The following EPHA6 variants were observed in gnomAD, a reference collection of about 807,000 sequenced individuals.
The protein encoded by EPHA6 is ephrin type-A receptor 6.
EPHA6 carries 50 observed loss-of-function variants against 112.0 expected under a neutral mutation model. The observed-to-expected ratio is 0.45, with a 90% CI of 0.36 to 0.56. EPHA6 has a LOEUF of 0.56. Ranked by LOEUF, EPHA6 falls within the 20% of genes least tolerant of loss-of-function variation. The probability of loss-of-function intolerance (pLI) is 0.00; values close to 1 mark genes in which losing one functional copy is unlikely to be tolerated. For synonymous variants in EPHA6, 529 were observed against 490.7 expected, an observed-to-expected ratio of 1.08 and a Z score of -1.03; for missense variants, 1,280 against 1,417.4, an observed-to-expected ratio of 0.90 and a Z score of 1.56.
chr3:97,491,551 T>G (rs1337305984), intron 10 of EPHA6, among the ~76,000 whole-genome samples: 1 of 152,040 alleles, frequency 6.6e-6, no homozygotes, highest in Non-Finnish European at 1.5e-5. Flanking sequence ...ATACCTGTAT[T>G]CAGTGTGGGT....
chr3:97,448,542 C>A lies in EPHA6; in HGVS notation c.1732-26C>A, dbSNP rs144941179. ...AGGTAGAATAACTCTGTTTCATTTC[C>A]TTTCTCCTTTTTTTCTGTCCCCCAG... On this transcript the variant is annotated intron_variant, in intron 6 of 17. Transcript: ENST00000389672. 5.0e-6 allele frequency: 8 copies of A among 1,610,284 alleles called. No homozygotes were observed. In the East Asian group the frequency reaches 8.9e-5, roughly 18 times the overall value.
intron 2 of EPHA6, among the ~76,000 whole-genome samples, chr3:96,982,923 C>T (rs567621210): frequency 1.6e-4 from 24 of 152,208 alleles, no homozygotes; most frequent in African/African-American, 5.8e-4. Context: ...CTTCCTCCAT[C>T]CTTTTATTTT....
intron 6 of EPHA6, among the ~76,000 whole-genome samples, chr3:97,425,291 A>T (rs963790843): frequency 2.0e-5 from 3 of 152,202 alleles, no homozygotes; most frequent in Non-Finnish European, 4.4e-5. Context: ...GTTCTTCATG[A>T]AGGCTTCATC....
intron 14 of EPHA6, among the ~76,000 whole-genome samples, chr3:97,666,935 C>T (rs1037728891): frequency 3.2e-4 from 48 of 152,124 alleles, no homozygotes; most frequent in Non-Finnish European, 8.8e-5. Context: ...GACTTGAGCC[C>T]TGTATTTCCA....
chr3:96,910,336 T>C (rs546175294), intron 2 of EPHA6, among the ~76,000 whole-genome samples: 1 of 152,188 alleles, frequency 6.6e-6, no homozygotes, highest in East Asian at 1.9e-4. Context: ...ACTATGTTAG[T>C]CCTTGCCTGG....
intron 2 of EPHA6, among the ~76,000 whole-genome samples, chr3:96,905,857 A>G (rs1437502261): frequency 6.6e-6 from 1 of 152,114 alleles, no homozygotes; most frequent in Non-Finnish European, 1.5e-5. Context: ...GATTACCTAC[A>G]CTTTGCAGAA....
chr3:97,239,327 CA>C (rs537533525), intron 4 of EPHA6, among the ~76,000 whole-genome samples: 21 of 151,282 alleles, frequency 1.4e-4, no homozygotes, highest in Admixed American at 7.3e-4. Context: ...ACTTTGAAAA[CA>C]AAAAAAACTA....
At chr3:97,584,188 A>G (rs919001359) in intron 11 of EPHA6, among the ~76,000 whole-genome samples, 2 of 152,198 alleles carry the variant, frequency 1.3e-5, no homozygotes, top group African/African-American at 2.4e-5. Context: ...GTTCATATAA[A>G]GATGATTTTA....
intron 1 of EPHA6, among the ~76,000 whole-genome samples, chr3:96,843,160 A>T (rs1053642828): frequency 2.0e-5 from 3 of 152,086 alleles, no homozygotes; most frequent in Admixed American, 6.6e-5. Context: ...ACATGGGGTT[A>T]TTACTGCTCT....
At chr3:97,198,380 T>G (rs2077493818) in intron 3 of EPHA6, among the ~76,000 whole-genome samples, 1 of 152,170 alleles carries the variant, frequency 6.6e-6, no homozygotes, top group Non-Finnish European at 1.5e-5. Context: ...AGCATACCTT[T>G]GATTTTAGAT....
chr3:97,247,105 T>C (rs1371641627), intron 5 of EPHA6, among the ~76,000 whole-genome samples: 1 of 152,036 alleles, frequency 6.6e-6, no homozygotes, highest in Non-Finnish European at 1.5e-5. Context: ...ATCACTCCAC[T>C]TGGAGTATCT....
intron 1 of EPHA6, among the ~76,000 whole-genome samples, chr3:96,829,638 C>A (rs2033891258): frequency 6.6e-6 from 1 of 151,974 alleles, no homozygotes; most frequent in African/African-American, 2.4e-5. Context: ...ATATATGCAG[C>A]AATTTATGGC....
intron 2 of EPHA6, among the ~76,000 whole-genome samples, chr3:96,912,153 A>C (rs2039251144): frequency 6.6e-6 from 1 of 152,148 alleles, no homozygotes; most frequent in Non-Finnish European, 1.5e-5. Context: ...CAGCATTACA[A>C]AATGGTTACA....
intron 3 of EPHA6, among the ~76,000 whole-genome samples, chr3:96,994,759 A>AGAGAGAGAGC (rs763682996): frequency 0.014 from 1,642 of 115,956 alleles, 52 homozygotes; most frequent in African/African-American, 0.035. Flanking sequence ...AGAGAGAGAG[A>AGAGAGAGAGC]GAGCTATATA....
chr3:96,935,026 T>C (rs1484639203), intron 2 of EPHA6, among the ~76,000 whole-genome samples: 1 of 151,812 alleles, frequency 6.6e-6, no homozygotes, highest in Non-Finnish European at 1.5e-5. Flanking sequence ...ATTGGTTCTC[T>C]AATGTCTACC....
At chr3:97,440,577 CTATT>C (rs1231092121) in intron 6 of EPHA6, among the ~76,000 whole-genome samples, 4 of 150,902 alleles carry the variant, frequency 2.7e-5, no homozygotes, top group African/African-American at 4.8e-5. Flanking sequence ...CATCTCCAAT[CTATT>C]TATTTTAAAA....
At chr3:97,483,499 G>A (rs117911480) in intron 9 of EPHA6, among the ~76,000 whole-genome samples, 2 of 152,288 alleles carry the variant, frequency 1.3e-5, no homozygotes, top group East Asian at 3.9e-4. Flanking sequence ...CACAGGAATA[G>A]GGCATGAGTT....
At chr3:96,829,287 A>G (rs1177012845) in intron 1 of EPHA6, among the ~76,000 whole-genome samples, 1 of 152,166 alleles carries the variant, frequency 6.6e-6, no homozygotes, top group Non-Finnish European at 1.5e-5. Flanking sequence ...CACATAGTCC[A>G]GAAGGTAAGG....
intron 14 of EPHA6, among the ~76,000 whole-genome samples, chr3:97,680,252 T>C (rs963032568): frequency 1.3e-5 from 2 of 152,110 alleles, no homozygotes; most frequent in Non-Finnish European, 2.9e-5. Context: ...AGCTAAGGAT[T>C]TGGTAACATG....
Sources: allele counts gnomAD v4.1 joint callset (sites outside exome capture counted in the v4.1 genomes callset), GRCh38; gene constraint gnomAD v4.1.1; transcripts MANE v1.5; gene names NCBI Gene and HGNC (gene_info 2026-07-23, HGNC 2026-07-21).